The following GRIA4 variants were observed in gnomAD, a reference collection of about 807,000 sequenced individuals.
GRIA4 encodes the protein glutamate ionotropic receptor AMPA type subunit 4, also known as glutamate receptor 4.
GRIA4 carries 34 observed loss-of-function variants against 104.0 expected under a neutral mutation model. The ratio of observed to expected loss-of-function variants is 0.33; its 90% CI spans 0.25 to 0.44. The LOEUF (loss-of-function observed/expected upper bound fraction) is 0.44, where lower values mean the gene tolerates loss of function less well. Among genes scored for constraint, GRIA4 ranks in the 20% least tolerant of loss-of-function variants. The probability of loss-of-function intolerance (pLI) is 1.00; values close to 1 mark genes in which losing one functional copy is unlikely to be tolerated. For missense variants in GRIA4, 750 were observed against 1,096.5 expected (o/e 0.68, Z 4.46); for synonymous variants, 386 against 381.9 (o/e 1.01, Z -0.13).
At chr11:105,866,249 A>T (rs1364816254) in intron 5 of GRIA4, among the ~76,000 whole-genome samples, 1 of 152,164 alleles carries the variant, frequency 6.6e-6, no homozygotes, top group African/African-American at 2.4e-5. Context: ...TGTCTCTAAA[A>T]GTCAATAATG....
At chr11:105,803,426 A>C (rs1402654637) in intron 4 of GRIA4, among the ~76,000 whole-genome samples, 3 of 151,984 alleles carry the variant, frequency 2.0e-5, no homozygotes, top group Non-Finnish European at 4.4e-5. Context: ...GCATATATAC[A>C]TATAAAATTT....
At chr11:105,666,082 T>C (rs1029609448) in intron 3 of GRIA4, among the ~76,000 whole-genome samples, 1 of 152,056 alleles carries the variant, frequency 6.6e-6, no homozygotes, top group South Asian at 2.1e-4. Flanking sequence ...TGTTTTTCTG[T>C]ATAGAGGTAA....
chr11:105,873,728 G>C (rs1404364933), intron 5 of GRIA4, among the ~76,000 whole-genome samples: 1 of 152,170 alleles, frequency 6.6e-6, no homozygotes, highest in Non-Finnish European at 1.5e-5. Context: ...CTTTTGAGAA[G>C]TGTCTGTTCA....
intron 3 of GRIA4, among the ~76,000 whole-genome samples, chr11:105,685,221 C>T (rs926110599): frequency 1.7e-4 from 26 of 151,856 alleles, no homozygotes; most frequent in Admixed American, 8.5e-4. Flanking sequence ...AAGTTAAAAA[C>T]GAGACTCCTT....
chr11:105,676,024 T>A (rs1049917532), intron 3 of GRIA4, among the ~76,000 whole-genome samples: 9 of 151,806 alleles, frequency 5.9e-5, no homozygotes, highest in African/African-American at 1.7e-4. Flanking sequence ...TATTAATTTA[T>A]TCAACAAGTA....
intron 3 of GRIA4, among the ~76,000 whole-genome samples, chr11:105,742,214 T>C (rs1446039642): frequency 1.3e-5 from 2 of 152,306 alleles, no homozygotes; most frequent in East Asian, 3.9e-4. Context: ...AATTTGAAAC[T>C]TGAACTACTT....
intron 14 of GRIA4, among the ~76,000 whole-genome samples, chr11:105,960,041 C>T (rs1948695477): frequency 6.6e-6 from 1 of 152,224 alleles, no homozygotes; most frequent in South Asian, 2.1e-4. Flanking sequence ...CCAGTAGGAT[C>T]GCTCTGGCGA....
chr11:105,765,021 G>C (rs1420832397), intron 4 of GRIA4, among the ~76,000 whole-genome samples: 1 of 152,110 alleles, frequency 6.6e-6, no homozygotes. Context: ...GTGACCAGAA[G>C]TACATGACCA....
chr11:105,895,393 G>A (rs1403957929), intron 6 of GRIA4, among the ~76,000 whole-genome samples: 1 of 151,674 alleles, frequency 6.6e-6, no homozygotes, highest in Non-Finnish European at 1.5e-5. Context: ...ATTGAGTGTG[G>A]ATTTTTATAA....
At chr11:105,645,880 A>G (rs926109573) in intron 3 of GRIA4, among the ~76,000 whole-genome samples, 2 of 152,236 alleles carry the variant, frequency 1.3e-5, no homozygotes, top group Non-Finnish European at 2.9e-5. Context: ...TATCTTGAAC[A>G]AAAGTTCAAT....
At chr11:105,776,386 A>T (rs1228108484) in intron 4 of GRIA4, among the ~76,000 whole-genome samples, 1 of 152,228 alleles carries the variant, frequency 6.6e-6, no homozygotes, top group African/African-American at 2.4e-5. Context: ...TTATATGAAT[A>T]TATCAAACTT....
At chr11:105,909,474 C>T (rs954493547) in intron 9 of GRIA4, among the ~76,000 whole-genome samples, 2 of 152,048 alleles carry the variant, frequency 1.3e-5, no homozygotes, top group Non-Finnish European at 2.9e-5. Flanking sequence ...TCATATAGAC[C>T]TGAGTTTTGA....
At chr11:105,715,844 C>T (rs1306061542) in intron 3 of GRIA4, among the ~76,000 whole-genome samples, 7 of 152,070 alleles carry the variant, frequency 4.6e-5, no homozygotes, top group Non-Finnish European at 7.4e-5. Context: ...CATCTGCCTT[C>T]GGCTAACAGG....
chr11:105,943,891 T>C (rs1038672686), intron 14 of GRIA4, among the ~76,000 whole-genome samples: 2 of 152,070 alleles, frequency 1.3e-5, no homozygotes, highest in Non-Finnish European at 2.9e-5. Context: ...TATATATATA[T>C]ATAGGAATTT....
intron 3 of GRIA4, among the ~76,000 whole-genome samples, chr11:105,711,996 TTCTC>T (rs985861549): frequency 1.3e-4 from 20 of 152,294 alleles, no homozygotes; most frequent in African/African-American, 4.8e-4. Context: ...CTAAATATCT[TTCTC>T]TTTCTCTCTA....
chr11:105,916,580 C>CTGCTTAATAAATGTTTGA (rs747102636), intron 10 of GRIA4, among the ~76,000 whole-genome samples: 19 of 152,162 alleles, frequency 1.2e-4, no homozygotes, highest in Non-Finnish European at 1.8e-4. Context: ...CACACAGTAG[C>CTGCTTAATAAATGTTTGA]TGCTTAATAA....
chr11:105,754,871 T>C (rs1347829837), intron 4 of GRIA4, among the ~76,000 whole-genome samples: 1 of 152,378 alleles, frequency 6.6e-6, no homozygotes, highest in African/African-American at 2.4e-5. Flanking sequence ...CTAAATATCT[T>C]GTATCCAATA....
chr11:105,706,342 C>T (rs1379723590), intron 3 of GRIA4: 1 of 152,518 alleles, frequency 6.6e-6, no homozygotes, highest in Non-Finnish European at 1.5e-5. Context: ...AGGCAGGTGT[C>T]CAGTGCCCTG....
At chr11:105,847,421 G>C (rs1244931843) in intron 4 of GRIA4, among the ~76,000 whole-genome samples, 1 of 152,150 alleles carries the variant, frequency 6.6e-6, no homozygotes, top group Non-Finnish European at 1.5e-5. Context: ...TAGAGCACAA[G>C]CTATAGTGTA....
Sources: gnomAD v4.1 joint callset for allele counts (sites outside exome capture counted in the v4.1 genomes callset) on GRCh38, gnomAD v4.1.1 for gene constraint, MANE v1.5 for transcripts, NCBI Gene and HGNC (gene_info 2026-07-23, HGNC 2026-07-21) for gene names.